Variants in HMGCLL1 observed in about 807,000 individuals in gnomAD.
HMGCLL1 encodes 3-hydroxy-3-methylglutaryl-CoA lyase like 1, also known as 3-hydroxymethyl-3-methylglutaryl-CoA lyase, cytoplasmic.
HMGCLL1 carries 36 observed loss-of-function variants against 39.1 expected under a neutral mutation model. That is an observed-to-expected ratio of 0.92 (90% confidence interval 0.71 to 1.22). The LOEUF is 1.22. HMGCLL1 is among the 50% of genes most tolerant of loss of function. HMGCLL1 has a pLI of 0.00. For missense variants in HMGCLL1, 451 were observed against 416.5 expected (o/e 1.08, Z -0.72); for synonymous variants, 149 against 144.0 (o/e 1.03, Z -0.25).
chr6:55,484,587 TTCCATTTTGGTTGA>T (rs1765915506), intron 7 of HMGCLL1, among the ~76,000 whole-genome samples: 1 of 152,096 alleles, frequency 6.6e-6, no homozygotes, highest in Non-Finnish European at 1.5e-5. Flanking sequence ...TCATAGCCTT[TTCCATTTTGGTTGA>T]TGGCAGTTTC....
the HMGCLL1 span, among the ~76,000 whole-genome samples, chr6:55,660,201 C>T: frequency 6.6e-6 from 1 of 151,562 alleles, no homozygotes; most frequent in East Asian, 2.0e-4. Flanking sequence ...CAAGAAAAAG[C>T]CAGGTACAAT....
At chr6:55,640,124 G>T in the HMGCLL1 span, among the ~76,000 whole-genome samples, 1 of 151,876 alleles carries the variant, frequency 6.6e-6, no homozygotes, top group Admixed American at 6.6e-5. Context: ...GAAAGAAGAA[G>T]AGAAAGTGGA....
the HMGCLL1 span, among the ~76,000 whole-genome samples, chr6:55,616,605 A>G: frequency 6.6e-6 from 1 of 152,118 alleles, no homozygotes; most frequent in Non-Finnish European, 1.5e-5. Flanking sequence ...ATCTACTGTA[A>G]TGCCTACCAT....
At chr6:55,576,878 A>C (rs975532850) in intron 1 of HMGCLL1, among the ~76,000 whole-genome samples, 2 of 152,210 alleles carry the variant, frequency 1.3e-5, no homozygotes, top group African/African-American at 4.8e-5. Context: ...AAAATGTTTG[A>C]GTTTGAGTTG....
chr6:55,504,283 T>A (rs1392937385), intron 5 of HMGCLL1, among the ~76,000 whole-genome samples: 2 of 151,814 alleles, frequency 1.3e-5, no homozygotes, highest in African/African-American at 2.4e-5. Context: ...CATACATTCA[T>A]ATATTTTTAA....
chr6:55,480,796 A>T (rs1392388240), intron 7 of HMGCLL1, among the ~76,000 whole-genome samples: 2 of 152,030 alleles, frequency 1.3e-5, no homozygotes, highest in Non-Finnish European at 2.9e-5. Flanking sequence ...AATACTATTC[A>T]GCCATAAAAA....
chr6:55,525,576 A>G (rs1287061466), intron 3 of HMGCLL1, among the ~76,000 whole-genome samples: 1 of 151,960 alleles, frequency 6.6e-6, no homozygotes, highest in African/African-American at 2.4e-5. Flanking sequence ...ACTTCCACCA[A>G]GTGGAACCGA....
chr6:55,527,737 T>C (rs7749276), intron 3 of HMGCLL1, among the ~76,000 whole-genome samples: 57,953 of 151,772 alleles, frequency 0.38, 12,372 homozygotes, highest in East Asian at 0.48. Context: ...GTTTTACCCA[T>C]GACAAAAAAG....
chr6:55,577,311 A>G, intron 1 of HMGCLL1: 1 of 1,202,534 alleles, frequency 8.3e-7, no homozygotes, highest in Non-Finnish European at 1.1e-6. Context: ...ACACAAAAAG[A>G]AGCATAACTC....
intron 7 of HMGCLL1, among the ~76,000 whole-genome samples, chr6:55,479,274 G>T (rs1284272394): frequency 6.6e-6 from 1 of 151,506 alleles, no homozygotes; most frequent in African/African-American, 2.4e-5. Flanking sequence ...TATCTGCTGA[G>T]AACAATTTTG....
chr6:55,479,263 G>T (rs1765607583), intron 7 of HMGCLL1, among the ~76,000 whole-genome samples: 1 of 151,662 alleles, frequency 6.6e-6, no homozygotes, highest in South Asian at 2.1e-4. Flanking sequence ...AGGCAGTCTA[G>T]TATCTGCTGA....
chr6:55,597,075 C>T, the HMGCLL1 span, among the ~76,000 whole-genome samples: 2 of 123,190 alleles, frequency 1.6e-5, no homozygotes, highest in East Asian at 3.9e-4. Context: ...GTGTATCATT[C>T]GCTTTTCCAC....
upstream of HMGCLL1, among the ~76,000 whole-genome samples, chr6:55,583,871 A>T (rs1049285876): frequency 1.3e-5 from 2 of 152,148 alleles, no homozygotes; most frequent in Non-Finnish European, 2.9e-5. Flanking sequence ...TAAATATAGA[A>T]CTTAAAATCA....
the HMGCLL1 span, among the ~76,000 whole-genome samples, chr6:55,648,996 C>G: frequency 6.6e-6 from 1 of 151,854 alleles, no homozygotes. Context: ...AATCCAGCAA[C>G]ACATCAAAAA....
chr6:55,628,128 A>G, the HMGCLL1 span, among the ~76,000 whole-genome samples: 1 of 27,220 alleles, frequency 3.7e-5, no homozygotes, highest in Non-Finnish European at 5.9e-5. Flanking sequence ...TAAAATAAAT[A>G]TATATAGTAT....
intron 7 of HMGCLL1, among the ~76,000 whole-genome samples, chr6:55,440,621 A>G (rs992080716): frequency 6.6e-6 from 1 of 152,086 alleles, no homozygotes; most frequent in Non-Finnish European, 1.5e-5. Context: ...GCCTAATCCG[A>G]TTCTTCACTC....
At chr6:55,436,749 A>G (rs947793332) in intron 8 of HMGCLL1, among the ~76,000 whole-genome samples, 1 of 152,078 alleles carries the variant, frequency 6.6e-6, no homozygotes, top group Non-Finnish European at 1.5e-5. Flanking sequence ...AACAATGAAT[A>G]TCATTTTAGA....
chr6:55,591,724 T>C, the HMGCLL1 span, among the ~76,000 whole-genome samples: 1 of 151,668 alleles, frequency 6.6e-6, no homozygotes, highest in African/African-American at 2.4e-5. Flanking sequence ...ATAATTTTCT[T>C]GCCAAAAGTT....
intron 1 of HMGCLL1, among the ~76,000 whole-genome samples, chr6:55,553,465 G>A (rs924511246): frequency 7.2e-5 from 11 of 151,974 alleles, no homozygotes; most frequent in African/African-American, 2.4e-5. Flanking sequence ...TGGTATAGTA[G>A]GGCATCCAGA....
Sources: allele counts gnomAD v4.1 joint callset (sites outside exome capture counted in the v4.1 genomes callset), GRCh38; gene constraint gnomAD v4.1.1; transcripts MANE v1.5; gene names NCBI Gene and HGNC (gene_info 2026-07-23, HGNC 2026-07-21).